NRXN1: variants seen among roughly 807,000 people sequenced by gnomAD.
NRXN1 encodes the protein neurexin 1.
In NRXN1, 39 loss-of-function variants were observed where a neutral mutation model predicts 150.9. The observed-to-expected ratio is 0.26, with a 90% CI of 0.20 to 0.34. NRXN1 has a LOEUF of 0.34. Among genes scored for constraint, NRXN1 ranks in the 10% least tolerant of loss-of-function variants. The probability of loss-of-function intolerance (pLI) is 1.00; values close to 1 mark genes in which losing one functional copy is unlikely to be tolerated. For synonymous variants in NRXN1, 924 were observed against 757.0 expected (o/e 1.22, Z -3.62); for missense variants, 1,815 against 1,949.9 (o/e 0.93, Z 1.30).
At chr2:50,228,737 T>G (rs977287344) in intron 18 of NRXN1, among the ~76,000 whole-genome samples, 4 of 152,040 alleles carry the variant, frequency 2.6e-5, no homozygotes, top group Non-Finnish European at 5.9e-5. Flanking sequence ...ATCACGAATT[T>G]CCATTCTTTA....
At chr2:50,261,116 A>T (rs1295936284) in intron 17 of NRXN1, among the ~76,000 whole-genome samples, 1 of 151,602 alleles carries the variant, frequency 6.6e-6, no homozygotes, top group Non-Finnish European at 1.5e-5. Flanking sequence ...TAAACTATTA[A>T]CTCTTTCTTC....
chr2:50,648,793 C>T (rs539732813), intron 5 of NRXN1, among the ~76,000 whole-genome samples: 108 of 151,930 alleles, frequency 7.1e-4, no homozygotes, highest in Middle Eastern at 3.4e-3. Context: ...TTCTACCCAC[C>T]GTGCTGAACT....
chr2:50,669,225 A>G (rs1279328820), intron 5 of NRXN1, among the ~76,000 whole-genome samples: 1 of 151,978 alleles, frequency 6.6e-6, no homozygotes, highest in African/African-American at 2.4e-5. Flanking sequence ...CAGGCATGGG[A>G]CCTGGAACAT....
At chr2:50,069,846 G>GTTTTTTTTTTTTTTTTTTTTTT in intron 19 of NRXN1, among the ~76,000 whole-genome samples, 1 of 66,304 alleles carries the variant, frequency 1.5e-5, no homozygotes, top group Non-Finnish European at 2.7e-5. Flanking sequence ...AGATTTTGGG[G>GTTTTTTTTTTTTTTTTTTTTTT]GTTTTTTTTT....
At position 50,610,371 on chromosome 2, in the gene NRXN1, C is replaced by T. The variant is rs530472102; in HGVS notation, c.1320+9651G>A. Among the ~76,000 whole-genome samples the T allele has an allele frequency of 1.2e-3, 188 of 151,880 alleles. 1 individual carries two copies. The highest frequency in any genetic ancestry group is 4.0e-3 in the African/African-American group (167 of 41,460). On this transcript the variant is annotated intron_variant, in intron 8 of 22. Transcript: ENST00000401669. ...TAATTCACTGAGCTTCAGTCCCATA[C>T]AATATCATGCCCAGTATACAACTGA...
At chr2:50,677,910 C>T (rs1689784088) in intron 5 of NRXN1, among the ~76,000 whole-genome samples, 1 of 152,020 alleles carries the variant, frequency 6.6e-6, no homozygotes, top group African/African-American at 2.4e-5. Flanking sequence ...TAAACGACAT[C>T]TCAGAAATTA....
At chr2:50,246,063 G>C (rs1429627803) in intron 17 of NRXN1, among the ~76,000 whole-genome samples, 1 of 151,932 alleles carries the variant, frequency 6.6e-6, no homozygotes, top group Non-Finnish European at 1.5e-5. Context: ...TTTGGGGAAA[G>C]TTTCTATAAT....
intron 17 of NRXN1, among the ~76,000 whole-genome samples, chr2:50,317,698 C>A (rs1575062757): frequency 6.6e-6 from 1 of 151,812 alleles, no homozygotes; most frequent in East Asian, 1.9e-4. Flanking sequence ...CCATGGCAAA[C>A]ATCTCAGTAA....
chr2:51,012,505 T>C (rs562077074), intron 2 of NRXN1, among the ~76,000 whole-genome samples: 9 of 152,208 alleles, frequency 5.9e-5, no homozygotes, highest in African/African-American at 2.2e-4. Context: ...TGTACCTTAT[T>C]ACAGATCTTC....
intron 17 of NRXN1, among the ~76,000 whole-genome samples, chr2:50,292,358 C>A (rs548591655): frequency 6.6e-6 from 1 of 152,274 alleles, no homozygotes; most frequent in Non-Finnish European, 1.5e-5. Flanking sequence ...AGACTTATCA[C>A]CCCAAATCCT....
intron 15 of NRXN1, among the ~76,000 whole-genome samples, chr2:50,485,036 A>G (rs977555674): frequency 2.6e-5 from 4 of 152,184 alleles, no homozygotes; most frequent in African/African-American, 9.7e-5. Flanking sequence ...TTCTGTTTCT[A>G]TTGCTTTGTG....
intron 19 of NRXN1, among the ~76,000 whole-genome samples, chr2:50,061,957 TC>T (rs1484729790): frequency 1.3e-5 from 2 of 152,058 alleles, no homozygotes; most frequent in East Asian, 3.8e-4. Flanking sequence ...AAGACTCCCT[TC>T]CCCCCAATCC....
At chr2:50,367,196 C>T (rs1397510102) in intron 17 of NRXN1, among the ~76,000 whole-genome samples, 2 of 152,014 alleles carry the variant, frequency 1.3e-5, no homozygotes, top group Middle Eastern at 3.4e-3. Context: ...GTCTCTTGAA[C>T]AGAAGAAAAT....
Position 50,623,581 on chromosome 2 carries a change from A to G in NRXN1, c.867T>C (p.Ser289=). 1 of 1,612,822 alleles carries G rather than the reference A, an allele frequency of 6.2e-7. No individual in the cohort carries two copies. The highest frequency in any genetic ancestry group is 1.7e-5 in the Admixed American group (1 of 59,916). The change falls in exon 6 of 23, where the codon TCT becomes TCC. Residue 289 remains serine, a synonymous_variant. Transcript: ENST00000401669. ...GAGACAAGTCGTAGCAGAAGTATTC[A>G]GATCCTTTGAACGTGGCAATATATT... ...KEEYIATFKG[S]EYFCYDLSQN... is the part of the protein sequence containing the mutation.
At chr2:50,931,828 A>C (rs1232733744) in intron 2 of NRXN1, among the ~76,000 whole-genome samples, 1 of 152,072 alleles carries the variant, frequency 6.6e-6, no homozygotes, top group Non-Finnish European at 1.5e-5. Context: ...TCATACATTG[A>C]AATTTTCCAG....
At chr2:50,274,435 A>G (rs2070154882) in intron 17 of NRXN1, among the ~76,000 whole-genome samples, 5 of 152,134 alleles carry the variant, frequency 3.3e-5, no homozygotes, top group Admixed American at 3.3e-4. Flanking sequence ...TAGGAGAAGT[A>G]CCTAATGCAT....
At chr2:49,989,931 T>C (rs1306145751) in intron 21 of NRXN1, among the ~76,000 whole-genome samples, 13 of 152,224 alleles carry the variant, frequency 8.5e-5, no homozygotes, top group Admixed American at 7.9e-4. Context: ...CTGTGTTTCA[T>C]GTTGGTACTC....
chr2:50,936,962 T>A (rs1688647906), intron 2 of NRXN1, among the ~76,000 whole-genome samples: 1 of 152,170 alleles, frequency 6.6e-6, no homozygotes, highest in Admixed American at 6.6e-5. Context: ...AATACTTCAA[T>A]GTTTTATCTA....
chr2:50,715,016 T>A (rs371169468), intron 5 of NRXN1, among the ~76,000 whole-genome samples: 4 of 152,240 alleles, frequency 2.6e-5, no homozygotes, highest in African/African-American at 9.6e-5. Flanking sequence ...GAAATTTAGG[T>A]TAAATTTAAT....
Sources: allele counts gnomAD v4.1 joint callset (sites outside exome capture counted in the v4.1 genomes callset), GRCh38; gene constraint gnomAD v4.1.1; transcripts MANE v1.5; gene names NCBI Gene and HGNC (gene_info 2026-07-23, HGNC 2026-07-21).